Variants in DGKB observed in about 807,000 individuals in gnomAD.
The protein encoded by DGKB is diacylglycerol kinase beta.
In DGKB, 67 loss-of-function variants were observed where a neutral mutation model predicts 114.3. That is an observed-to-expected ratio of 0.59 (90% CI 0.48 to 0.72). The LOEUF (loss-of-function observed/expected upper bound fraction) is 0.72, where lower values mean the gene tolerates loss of function less well. DGKB is among the 30% of genes least tolerant of loss of function. The pLI is 0.00. For synonymous variants in DGKB, 398 were observed against 323.1 expected (o/e 1.23, Z -2.49); for missense variants, 907 against 975.2 (o/e 0.93, Z 0.93).
chr7:14,495,289 G>A (rs973079538), intron 20 of DGKB, among the ~76,000 whole-genome samples: 1 of 151,688 alleles, frequency 6.6e-6, no homozygotes, highest in African/African-American at 2.4e-5. Flanking sequence ...TAAATACACT[G>A]CCATTATAAC....
intron 23 of DGKB, among the ~76,000 whole-genome samples, chr7:14,289,344 G>A (rs1272797419): frequency 6.6e-6 from 1 of 151,898 alleles, no homozygotes. Flanking sequence ...ATCAATAAAA[G>A]TAAAATGCTT....
intron 13 of DGKB, among the ~76,000 whole-genome samples, chr7:14,638,405 G>C (rs938684487): frequency 1.3e-5 from 2 of 151,944 alleles, no homozygotes; most frequent in Non-Finnish European, 2.9e-5. Context: ...TTAAAACCAA[G>C]CCTCCTTGTT....
At chr7:14,649,949 T>C (rs1386732203) in intron 13 of DGKB, among the ~76,000 whole-genome samples, 2 of 147,274 alleles carry the variant, frequency 1.4e-5, no homozygotes, top group African/African-American at 5.1e-5. Context: ...GAGCTAACTA[T>C]CCTAAATATA....
At chr7:14,874,033 G>C (rs1343728587) in intron 1 of DGKB, among the ~76,000 whole-genome samples, 1 of 152,034 alleles carries the variant, frequency 6.6e-6, no homozygotes, top group East Asian at 1.9e-4. Context: ...ACAGTAATCT[G>C]TCTTTAAATA....
At chr7:14,661,590 CT>C (rs1399745205) in intron 13 of DGKB, among the ~76,000 whole-genome samples, 1 of 151,986 alleles carries the variant, frequency 6.6e-6, no homozygotes, top group Non-Finnish European at 1.5e-5. Context: ...AATAGGAACA[CT>C]TTTACACTGC....
chr7:14,313,397 C>A (rs1353190565), intron 23 of DGKB, among the ~76,000 whole-genome samples: 1 of 151,926 alleles, frequency 6.6e-6, no homozygotes, highest in Non-Finnish European at 1.5e-5. Flanking sequence ...AGACAGTGGG[C>A]GCAGGTCAGT....
intron 21 of DGKB, among the ~76,000 whole-genome samples, chr7:14,433,241 G>A (rs574214764): frequency 6.6e-6 from 1 of 152,304 alleles, no homozygotes; most frequent in East Asian, 1.9e-4. Flanking sequence ...CTCCCCATGA[G>A]ATTAGCTGAT....
Position 14,338,660 on chromosome 7 carries a change from A to T in DGKB, c.1977T>A (p.Ala659=). 1 of 1,600,540 alleles carries T rather than the reference A, an allele frequency of 6.2e-7. No individual in the cohort carries two copies. Among genetic ancestry groups the T allele is most frequent in the African/African-American group, 1.3e-5 (1 of 74,370 alleles). ...DLINISLEGI[A]ILNIPSMHGG... ...CATGCATGCTTGGTATATTCAAAAT[A>T]GCAATTCCTTCCAGAGAGATGTTTA... Residue 659 remains alanine (A), a synonymous_variant, in exon 23 of 26, where the codon GCT becomes GCA. Coordinates refer to ENST00000402815, the MANE Select transcript of DGKB (RefSeq NM_001350709.2).
chr7:14,868,980 C>T (rs1852080690), intron 1 of DGKB, among the ~76,000 whole-genome samples: 1 of 152,176 alleles, frequency 6.6e-6, no homozygotes, highest in Non-Finnish European at 1.5e-5. Flanking sequence ...AAGAAATCCT[C>T]ACCACTGTTT....
At chr7:14,828,407 C>T (rs1051539464) in intron 2 of DGKB, among the ~76,000 whole-genome samples, 8 of 151,978 alleles carry the variant, frequency 5.3e-5, no homozygotes, top group East Asian at 1.9e-4. Context: ...TCAACTCATA[C>T]GATGTGTCTT....
chr7:14,182,065 T>C (rs1046936909), intron 23 of DGKB, among the ~76,000 whole-genome samples: 1 of 152,164 alleles, frequency 6.6e-6, no homozygotes, highest in African/African-American at 2.4e-5. Context: ...CTTTCAAATA[T>C]AAATGTAGTC....
At chr7:14,745,874 C>T (rs72506098) in intron 4 of DGKB, among the ~76,000 whole-genome samples, 1 of 152,158 alleles carries the variant, frequency 6.6e-6, no homozygotes, top group Non-Finnish European at 1.5e-5. Flanking sequence ...AAAATTCCTG[C>T]ATCACTGGCA....
At chr7:14,320,759 G>C (rs981163121) in intron 23 of DGKB, among the ~76,000 whole-genome samples, 1 of 151,918 alleles carries the variant, frequency 6.6e-6, no homozygotes, top group Non-Finnish European at 1.5e-5. Flanking sequence ...AAAGTAGTTA[G>C]AGCCATACTC....
At chr7:14,210,879 A>G (rs754695138) in intron 23 of DGKB, among the ~76,000 whole-genome samples, 2 of 151,886 alleles carry the variant, frequency 1.3e-5, no homozygotes, top group Non-Finnish European at 2.9e-5. Flanking sequence ...AAGCAAACCC[A>G]TCTCTTCCTG....
intron 23 of DGKB, chr7:14,191,868 T>G (rs772510971): frequency 1.2e-4 from 61 of 512,456 alleles, no homozygotes; most frequent in Non-Finnish European, 2.1e-4. Context: ...ACAGTTCACA[T>G]TGCTTGCCAG....
intron 4 of DGKB, among the ~76,000 whole-genome samples, chr7:14,748,293 T>C (rs188889099): frequency 6.6e-6 from 1 of 152,286 alleles, no homozygotes; most frequent in East Asian, 1.9e-4. Context: ...TGTCTAATGG[T>C]ATTAAATGCT....
intron 20 of DGKB, among the ~76,000 whole-genome samples, chr7:14,499,793 A>G (rs1379906740): frequency 6.6e-6 from 1 of 151,894 alleles, no homozygotes; most frequent in Non-Finnish European, 1.5e-5. Flanking sequence ...AAATGACAGA[A>G]ATTGCTCAAA....
At chr7:14,744,242 T>C (rs1400072612) in intron 4 of DGKB, among the ~76,000 whole-genome samples, 3 of 152,236 alleles carry the variant, frequency 2.0e-5, no homozygotes, top group Non-Finnish European at 2.9e-5. Context: ...TCTTAACTTA[T>C]GGCAATATGG....
chr7:14,788,148 G>A (rs1840155011), intron 2 of DGKB, among the ~76,000 whole-genome samples: 1 of 152,196 alleles, frequency 6.6e-6, no homozygotes, highest in South Asian at 2.1e-4. Flanking sequence ...TGCTATTGAA[G>A]GATGGGCACA....
Sources: allele counts gnomAD v4.1 joint callset (sites outside exome capture counted in the v4.1 genomes callset), GRCh38; gene constraint gnomAD v4.1.1; transcripts MANE v1.5; gene names NCBI Gene and HGNC (gene_info 2026-07-23, HGNC 2026-07-21).